The following ZMAT4 variants were observed in gnomAD, a reference collection of about 807,000 sequenced individuals.
ZMAT4 encodes the protein zinc finger matrin-type 4.
ZMAT4 carries 17 observed loss-of-function variants against 28.7 expected under a neutral mutation model. The observed-to-expected ratio is 0.59, with a 90% CI of 0.41 to 0.89. The LOEUF is 0.89. Among genes scored for constraint, ZMAT4 ranks in the 40% least tolerant of loss-of-function variants. The pLI is 0.00. For synonymous variants in ZMAT4, 117 were observed against 109.2 expected, an observed-to-expected ratio of 1.07 and a Z score of -0.44; for missense variants, 240 against 283.8, an observed-to-expected ratio of 0.85 and a Z score of 1.11.
chr8:40,865,417 T>C (rs895743915), intron 1 of ZMAT4, among the ~76,000 whole-genome samples: 2 of 152,174 alleles, frequency 1.3e-5, no homozygotes, highest in African/African-American at 4.8e-5. Flanking sequence ...ATCTGGGCCA[T>C]GGAGAGGAGT....
rs1323244578 is a variant in ZMAT4, at chr8:40,611,236, A to G, written c.578-29975T>C. Among the ~76,000 whole-genome samples, 3 of 152,222 alleles carry G rather than the reference A, an allele frequency of 2.0e-5. No individual in the cohort carries two copies. The South Asian group carries it at 6.2e-4, about 32-fold the overall frequency. On this transcript the variant is annotated intron_variant, in intron 5 of 6. Transcript: ENST00000297737. The stretch of plus-strand genomic sequence containing the variant: ...CAGGGCAAAAATACAGGCCTAGCAT[A>G]TCAGCTACAGCATTATTTAGGTTGT...
intron 6 of ZMAT4, among the ~76,000 whole-genome samples, chr8:40,564,218 G>A (rs1803840416): frequency 6.6e-6 from 1 of 152,144 alleles, no homozygotes; most frequent in African/African-American, 2.4e-5. Flanking sequence ...CATGGTAAGG[G>A]AGTCCAGGAA....
At chr8:40,697,084 C>A (rs1425768245) in intron 4 of ZMAT4, 161 bp downstream of exon 4, 3 of 747,456 alleles carry the variant, frequency 4.0e-6, no homozygotes, top group Non-Finnish European at 6.3e-6. Context: ...CTTAGGACAG[C>A]CAGGTCTGCT....
At chr8:40,875,420 T>C (rs1290750775) in intron 1 of ZMAT4, among the ~76,000 whole-genome samples, 3 of 151,880 alleles carry the variant, frequency 2.0e-5, no homozygotes, top group East Asian at 1.9e-4. Flanking sequence ...TACAGGGGAA[T>C]TGGTTGAAAA....
At chr8:40,692,982 C>T (rs1457678764) in intron 4 of ZMAT4, among the ~76,000 whole-genome samples, 1 of 152,108 alleles carries the variant, frequency 6.6e-6, no homozygotes, top group Non-Finnish European at 1.5e-5. Flanking sequence ...GGGTTAGTGT[C>T]CCCTCAAATT....
chr8:40,786,704 C>T lies in ZMAT4; in HGVS notation c.103-18974G>A, dbSNP rs77401293. The T allele has an allele frequency of 3.6e-5, 46 of 1,288,914 alleles. No individual in the cohort carries two copies. In the South Asian group the frequency reaches 4.3e-4, roughly 12 times the overall value. 79.8% of individuals were successfully genotyped at this position (1,288,914 alleles called of 1,614,324 possible). ...CCCAACTTACGGGTCAGAATTCACA[C>T]AGCCACCTTCTTCAGTGTGACATCT... is the stretch of plus-strand genomic sequence containing the variant. On this transcript the variant is annotated intron_variant, in intron 2 of 6. Coordinates refer to ENST00000297737, the MANE Select transcript of ZMAT4 (RefSeq NM_024645.3).
At chr8:40,793,564 G>T (rs1044069256) in intron 2 of ZMAT4, among the ~76,000 whole-genome samples, 2 of 152,180 alleles carry the variant, frequency 1.3e-5, no homozygotes, top group African/African-American at 4.8e-5. Context: ...TTTCCATTTG[G>T]GGGTGTTTCT....
intron 6 of ZMAT4, among the ~76,000 whole-genome samples, chr8:40,532,975 C>T (rs377751397): frequency 1.3e-5 from 2 of 149,776 alleles, no homozygotes; most frequent in East Asian, 3.9e-4. Flanking sequence ...GAGGGAGACT[C>T]CATGTCAAAA....
chr8:40,613,482 C>T (rs1314079350), intron 5 of ZMAT4, among the ~76,000 whole-genome samples: 1 of 152,164 alleles, frequency 6.6e-6, no homozygotes, highest in Non-Finnish European at 1.5e-5. Flanking sequence ...CCTTGCCCAG[C>T]CTCACCTGCC....
chr8:40,795,357 G>A (rs1292927192), intron 2 of ZMAT4, among the ~76,000 whole-genome samples: 13 of 152,150 alleles, frequency 8.5e-5, no homozygotes, highest in Admixed American at 8.5e-4. Flanking sequence ...TGTCCATCAG[G>A]CAGCCAAGGA....
chr8:40,883,508 C>A (rs746676891), intron 1 of ZMAT4, among the ~76,000 whole-genome samples: 1 of 152,114 alleles, frequency 6.6e-6, no homozygotes, highest in Non-Finnish European at 1.5e-5. Context: ...TCAGCTCCCA[C>A]CTTCTGAGAT....
chr8:40,861,990 A>G (rs1317933060), intron 1 of ZMAT4, among the ~76,000 whole-genome samples: 1 of 152,210 alleles, frequency 6.6e-6, no homozygotes, highest in Admixed American at 6.5e-5. Flanking sequence ...AACTAGTTCA[A>G]CCATTGTGGA....
intron 5 of ZMAT4, among the ~76,000 whole-genome samples, chr8:40,586,574 T>G (rs746226961): frequency 7.9e-5 from 12 of 152,202 alleles, no homozygotes; most frequent in Non-Finnish European, 1.6e-4. Context: ...TGAAGATGCA[T>G]CACTTTTGTA....
At chr8:40,614,193 C>A (rs1805909724) in intron 5 of ZMAT4, among the ~76,000 whole-genome samples, 1 of 152,190 alleles carries the variant, frequency 6.6e-6, no homozygotes, top group Admixed American at 6.5e-5. Flanking sequence ...GAAGTGTCAG[C>A]ATTTTAATCT....
intron 4 of ZMAT4, among the ~76,000 whole-genome samples, chr8:40,684,445 C>G (rs1032812685): frequency 6.6e-6 from 1 of 152,176 alleles, no homozygotes; most frequent in Non-Finnish European, 1.5e-5. Context: ...TCTTGGAGTA[C>G]TGAGCTGGAG....
At chr8:40,701,549 A>G (rs1487908676) in intron 3 of ZMAT4, among the ~76,000 whole-genome samples, 3 of 113,062 alleles carry the variant, frequency 2.7e-5, no homozygotes, top group African/African-American at 3.6e-5. Flanking sequence ...ATGGAGTCTC[A>G]CTCTGCCTCC....
At chr8:40,732,161 C>T (rs1220993076) in intron 3 of ZMAT4, among the ~76,000 whole-genome samples, 2 of 152,100 alleles carry the variant, frequency 1.3e-5, no homozygotes, top group Non-Finnish European at 2.9e-5. Flanking sequence ...TTGCACAACA[C>T]TGTGAATGTA....
chr8:40,819,286 C>A (rs959758990), intron 2 of ZMAT4, among the ~76,000 whole-genome samples: 12 of 152,130 alleles, frequency 7.9e-5, no homozygotes, highest in African/African-American at 2.9e-4. Flanking sequence ...AAAACTTTCC[C>A]ACTGGCTTGA....
At chr8:40,621,415 C>G (rs988146989) in intron 5 of ZMAT4, among the ~76,000 whole-genome samples, 1 of 152,154 alleles carries the variant, frequency 6.6e-6, no homozygotes, top group Non-Finnish European at 1.5e-5. Flanking sequence ...ACAGTTCCAT[C>G]AGCTGGTGCT....
Sources: allele counts gnomAD v4.1 joint callset (sites outside exome capture counted in the v4.1 genomes callset), GRCh38; gene constraint gnomAD v4.1.1; transcripts MANE v1.5; gene names NCBI Gene and HGNC (gene_info 2026-07-23, HGNC 2026-07-21).